The following ROBO2 variants were observed in gnomAD, a reference collection of about 807,000 sequenced individuals.
ROBO2 encodes the protein roundabout guidance receptor 2, also known as roundabout homolog 2.
Under a neutral mutation model 160.8 loss-of-function variants are expected in ROBO2, and 53 were observed. That is an observed-to-expected ratio of 0.33 (90% CI 0.26 to 0.41). The LOEUF (loss-of-function observed/expected upper bound fraction) is 0.41, where lower values mean the gene tolerates loss of function less well. Among genes scored for constraint, ROBO2 ranks in the 10% least tolerant of loss-of-function variants. The pLI is 1.00. For synonymous variants in ROBO2, 664 were observed against 611.7 expected, an observed-to-expected ratio of 1.09 and a Z score of -1.26; for missense variants, 1,577 against 1,722.4, an observed-to-expected ratio of 0.92 and a Z score of 1.49.
chr3:76,403,353 T>C (rs1328046839), intron 2 of ROBO2, among the ~76,000 whole-genome samples: 1 of 151,686 alleles, frequency 6.6e-6, no homozygotes, highest in African/African-American at 2.4e-5. Context: ...ACTTGAAACT[T>C]AAAAATATTT....
chr3:77,257,094 G>T (rs1374816564), intron 2 of ROBO2, among the ~76,000 whole-genome samples: 1 of 152,138 alleles, frequency 6.6e-6, no homozygotes, highest in East Asian at 1.9e-4. Context: ...GAGACTGTCT[G>T]TTGTCAATAA....
intron 2 of ROBO2, among the ~76,000 whole-genome samples, chr3:77,399,184 A>G (rs1355646344): frequency 1.3e-5 from 2 of 152,194 alleles, no homozygotes; most frequent in African/African-American, 4.8e-5. Flanking sequence ...CTAGAAAGGC[A>G]CTTAAAACAG....
At chr3:76,804,474 T>G (rs1249997160) in intron 2 of ROBO2, among the ~76,000 whole-genome samples, 1 of 152,186 alleles carries the variant, frequency 6.6e-6, no homozygotes, top group Non-Finnish European at 1.5e-5. Context: ...ATCTTTATAC[T>G]AATAGTAGTA....
intron 2 of ROBO2, among the ~76,000 whole-genome samples, chr3:76,131,750 A>G (rs2071231189): frequency 6.6e-6 from 1 of 152,166 alleles, no homozygotes; most frequent in Admixed American, 6.5e-5. Flanking sequence ...TGATATAAAA[A>G]CAAGTGAGCA....
At chr3:77,271,891 G>A (rs770415093) in intron 2 of ROBO2, among the ~76,000 whole-genome samples, 5 of 152,178 alleles carry the variant, frequency 3.3e-5, no homozygotes, top group South Asian at 2.1e-4. Flanking sequence ...CAGAGGGTTC[G>A]CGTGCTATTT....
At chr3:76,975,065 T>C (rs2059749082) in intron 2 of ROBO2, among the ~76,000 whole-genome samples, 1 of 152,234 alleles carries the variant, frequency 6.6e-6, no homozygotes, top group Non-Finnish European at 1.5e-5. Context: ...ATGTTACATG[T>C]AAATACGTGT....
At chr3:76,091,754 G>T (rs1160459136) in intron 2 of ROBO2, among the ~76,000 whole-genome samples, 1 of 152,014 alleles carries the variant, frequency 6.6e-6, no homozygotes, top group Non-Finnish European at 1.5e-5. Context: ...ATTTTGAAAA[G>T]AAATAAACTA....
At chr3:76,374,941 C>CTT (rs77109557) in intron 2 of ROBO2, among the ~76,000 whole-genome samples, 8 of 138,356 alleles carry the variant, frequency 5.8e-5, no homozygotes, top group African/African-American at 7.9e-5. Flanking sequence ...CTTTCTTCTT[C>CTT]TTTTTTTTTT....
rs181104050 is a variant in ROBO2 at position 76,005,714 on chromosome 3, A to C, written c.109+68112A>C. 1.2e-4 allele frequency among the ~76,000 whole-genome samples: 18 copies of C among 152,288 alleles called. No individual in the cohort carries two copies. In the East Asian group the frequency reaches 2.3e-3, roughly 20 times the overall value. On this transcript the variant is annotated intron_variant, in intron 2 of 26. Coordinates refer to the ROBO2 transcript ENST00000487694. ...CCAGAGTTACAACAAAATGATCAATACTTGAACAATATAACACACACTACA... is the reference window on the plus strand; with the variant it reads ...CCAGAGTTACAACAAAATGATCAATCCTTGAACAATATAACACACACTACA...
chr3:76,710,147 TCTCA>T (rs1302512323), intron 2 of ROBO2, among the ~76,000 whole-genome samples: 5 of 150,268 alleles, frequency 3.3e-5, no homozygotes, highest in Admixed American at 2.0e-4. Flanking sequence ...TGAGATAGAG[TCTCA>T]CTCTGTCGCG....
chr3:77,150,741 T>TA (rs886330994), intron 2 of ROBO2, among the ~76,000 whole-genome samples: 4 of 151,724 alleles, frequency 2.6e-5, no homozygotes, highest in African/African-American at 7.3e-5. Context: ...TTTTTTTTTT[T>TA]ATTATAAGAA....
chr3:77,614,476 T>C (rs1420688317), intron 21 of ROBO2, among the ~76,000 whole-genome samples: 1 of 152,156 alleles, frequency 6.6e-6, no homozygotes, highest in Non-Finnish European at 1.5e-5. Flanking sequence ...TGTCTGTTGT[T>C]TATAATGTCT....
In ROBO2 at chr3:75,966,942, C is replaced by T. The variant is rs112710151; in HGVS notation, c.109+29340C>T. ...CAATTAATTTGACCTTCGGTCTCTA[C>T]AGATAGTTTATCAACACACTGCTAC... On this transcript the variant is annotated intron_variant, in intron 2 of 26. Coordinates refer to the ROBO2 transcript ENST00000487694. 6.6e-3 allele frequency among the ~76,000 whole-genome samples: 1,004 copies of T among 151,744 alleles called. 10 individuals carry two copies. Among genetic ancestry groups the T allele is most frequent in the African/African-American group, 0.023 (949 of 41,472 alleles).
At chr3:76,910,397 T>A (rs1045686758) in intron 2 of ROBO2, among the ~76,000 whole-genome samples, 1 of 151,954 alleles carries the variant, frequency 6.6e-6, no homozygotes, top group Non-Finnish European at 1.5e-5. Context: ...ACAAGTTTGG[T>A]TTGAATGGGC....
chr3:76,248,108 A>T (rs567778274), intron 2 of ROBO2, among the ~76,000 whole-genome samples: 2 of 152,098 alleles, frequency 1.3e-5, no homozygotes, highest in East Asian at 3.9e-4. Flanking sequence ...CTAGAACAAG[A>T]AATACCATTT....
chr3:76,518,486 G>A (rs373119969), intron 2 of ROBO2, among the ~76,000 whole-genome samples: 14 of 151,978 alleles, frequency 9.2e-5, no homozygotes, highest in South Asian at 2.1e-4. Flanking sequence ...TTTAAGAGGC[G>A]TCTCTGAAAG....
At chr3:77,003,229 A>G (rs371986239) in intron 2 of ROBO2, among the ~76,000 whole-genome samples, 71 of 152,328 alleles carry the variant, frequency 4.7e-4, no homozygotes, top group African/African-American at 1.7e-3. Flanking sequence ...TTCTGAAAGC[A>G]TACTTGATAA....
chr3:77,454,603 C>T (rs901310547), intron 2 of ROBO2, among the ~76,000 whole-genome samples: 2 of 152,168 alleles, frequency 1.3e-5, no homozygotes, highest in East Asian at 1.9e-4. Flanking sequence ...TATTTTTAAT[C>T]CATAGTGCAT....
intron 2 of ROBO2, among the ~76,000 whole-genome samples, chr3:75,972,340 C>T (rs536486141): frequency 2.0e-5 from 3 of 151,640 alleles, no homozygotes; most frequent in South Asian, 4.2e-4. Context: ...GTGAAGTTCT[C>T]GAAAGTACTT....
Sources: allele counts gnomAD v4.1 joint callset (sites outside exome capture counted in the v4.1 genomes callset), GRCh38; gene constraint gnomAD v4.1.1; transcripts MANE v1.5; gene names NCBI Gene and HGNC (gene_info 2026-07-23, HGNC 2026-07-21).